Variants in TOX3 observed in about 807,000 individuals in gnomAD.
TOX3 encodes the protein CAG trinucleotide repeat-containing gene F9 protein.
TOX3 carries 22 observed loss-of-function variants against 64.3 expected under a neutral mutation model. The observed-to-expected ratio is 0.34, with a 90% CI of 0.24 to 0.49. TOX3 has a LOEUF of 0.49. Among genes scored for constraint, TOX3 ranks in the 20% least tolerant of loss-of-function variants. The pLI, the probability that TOX3 is intolerant of heterozygous loss-of-function variation, is 0.99. For missense variants in TOX3, 661 were observed against 714.4 expected, an observed-to-expected ratio of 0.93 and a Z score of 0.85; for synonymous variants, 291 against 273.6, an observed-to-expected ratio of 1.06 and a Z score of -0.63.
intron 4 of TOX3, among the ~76,000 whole-genome samples, chr16:52,448,147 G>A (rs1960219886): frequency 6.6e-6 from 1 of 152,124 alleles, no homozygotes; most frequent in Non-Finnish European, 1.5e-5. Context: ...GGAAATTTTT[G>A]TGTCATTGAC....
intron 3 of TOX3, among the ~76,000 whole-genome samples, chr16:52,458,424 T>C (rs1960587365): frequency 6.6e-6 from 1 of 152,052 alleles, no homozygotes; most frequent in African/African-American, 2.4e-5. Context: ...CTCCAAAAAA[T>C]ATTTGAGCCA....
At chr16:52,487,465 A>G (rs1471056718) in intron 1 of TOX3, among the ~76,000 whole-genome samples, 1 of 152,202 alleles carries the variant, frequency 6.6e-6, no homozygotes, top group Non-Finnish European at 1.5e-5. Context: ...TAACAGCTCT[A>G]AAGGAGGGTC....
At chr16:52,478,814 AAG>A (rs770182275) in intron 1 of TOX3, among the ~76,000 whole-genome samples, 4 of 152,152 alleles carry the variant, frequency 2.6e-5, no homozygotes, top group Non-Finnish European at 5.9e-5. Flanking sequence ...TGGGCTTTGC[AAG>A]AAGAAGGGAG....
At chr16:52,443,363 G>A (rs1272388175) in intron 6 of TOX3, among the ~76,000 whole-genome samples, 1 of 152,152 alleles carries the variant, frequency 6.6e-6, no homozygotes, top group African/African-American at 2.4e-5. Context: ...AGCAAAGAGA[G>A]GAGGACCTCT....
intron 1 of TOX3, among the ~76,000 whole-genome samples, chr16:52,483,774 G>T (rs1226784481): frequency 7.4e-6 from 1 of 134,780 alleles, no homozygotes; most frequent in Non-Finnish European, 1.6e-5. Context: ...TCACCATGTT[G>T]GTCAGGCTGG....
intron 1 of TOX3, among the ~76,000 whole-genome samples, chr16:52,520,773 A>G (rs138472780): frequency 6.6e-6 from 1 of 152,336 alleles, no homozygotes; most frequent in East Asian, 1.9e-4. Flanking sequence ...ATGTGAATTC[A>G]GGTCAAGTTT....
At chr16:52,448,313 C>T (rs954993280) in intron 4 of TOX3, among the ~76,000 whole-genome samples, 1 of 152,128 alleles carries the variant, frequency 6.6e-6, no homozygotes, top group East Asian at 1.9e-4. Flanking sequence ...TAAAATGGAG[C>T]AAGCTAGGAG....
Position 52,546,986 on chromosome 16 carries a change from C to A in TOX3, c.-263G>T. On this transcript the variant is annotated 5_prime_UTR_variant, in exon 1 of 7. Transcript: ENST00000219746. ...CGGGGCACCGAGGCAGCGCTGCGCG[C>A]GGGCCGGGCGCCGGGGGCGCGGGGC... The A allele has an allele frequency of 2.1e-6, 2 of 974,178 alleles. No individual in the cohort carries two copies. Among genetic ancestry groups the A allele is most frequent in the Non-Finnish European group, 2.4e-6 (2 of 824,202 alleles). 60.3% of individuals were successfully genotyped at this position (974,178 alleles called of 1,614,324 possible). A position where few individuals can be genotyped will look rare whatever the true frequency, so the allele number is the denominator to read the frequency against.
chr16:52,522,960 A>T (rs1962642854), intron 1 of TOX3, among the ~76,000 whole-genome samples: 1 of 152,234 alleles, frequency 6.6e-6, no homozygotes, highest in South Asian at 2.1e-4. Flanking sequence ...GAGATGAAGC[A>T]ACGAACAAAA....
In TOX3 at chr16:52,464,034, G is replaced by A. The variant is rs371588576; in HGVS notation, c.308C>T (p.Thr103Ile). Residue 103 changes from threonine to isoleucine, a missense_variant, in exon 3 of 7, where the codon ACA becomes ATA. Coordinates refer to ENST00000219746, the MANE Select transcript of TOX3 (RefSeq NM_001080430.4). ...DPLPSQGSEF[T>I]PQFPPQSLDL... is the part of the protein sequence containing the mutation. ...CAGGCTTTGAGGGGGAAACTGGGGT[G>A]TGAATTCACTTCCCTGGGAAGGCAA... 3.7e-6 allele frequency: 6 copies of A among 1,601,980 alleles called. No individual in the cohort carries two copies. In the African/African-American group the frequency reaches 6.7e-5, roughly 18 times the overall value.
chr16:52,500,452 AGG>A lies in TOX3; in HGVS notation c.88-31880_88-31879del, dbSNP rs757634022. ...ATAATATCACATGGCAGTGTTTCAC[AGG>A]GTTTTTGGAGAATATTAAAAGGTGG... is the stretch of plus-strand genomic sequence containing the variant. On this transcript the variant is annotated intron_variant, in intron 1 of 6. Coordinates refer to ENST00000219746, the MANE Select transcript of TOX3 (RefSeq NM_001080430.4). 7.3e-4 allele frequency among the ~76,000 whole-genome samples: 111 copies of A among 152,312 alleles called. 2 individuals carry two copies. Among genetic ancestry groups the A allele is most frequent in the South Asian group, 5.0e-3 (24 of 4,828 alleles).
rs145886737 is a variant in TOX3, at chr16:52,501,330, T to C, written c.88-32756A>G. Among the ~76,000 whole-genome samples, 5 of 152,360 alleles carry C rather than the reference T, an allele frequency of 3.3e-5. No homozygotes were observed. The East Asian group carries it at 9.6e-4, about 29-fold the overall frequency. On this transcript the variant is annotated intron_variant, in intron 1 of 6. Coordinates refer to ENST00000219746, the MANE Select transcript of TOX3 (RefSeq NM_001080430.4). The stretch of plus-strand genomic sequence containing the variant: ...CAGTTACCACCATCCTGATGTATTA[T>C]GTGTATTTCAGAACATACCAAAAAT...
chr16:52,498,124 GTA>G (rs1303286232), intron 1 of TOX3, among the ~76,000 whole-genome samples: 1 of 152,148 alleles, frequency 6.6e-6, no homozygotes, highest in East Asian at 1.9e-4. Context: ...TGCTCTCAAT[GTA>G]TATGACATTC....
chr16:52,440,733 A>G (rs1596767705), intron 6 of TOX3, among the ~76,000 whole-genome samples: 1 of 119,090 alleles, frequency 8.4e-6, no homozygotes, highest in Non-Finnish European at 1.8e-5. Context: ...ATTGGGTTAT[A>G]TGGTATTTTT....
chr16:52,465,785 G>GA, intron 2 of TOX3, among the ~76,000 whole-genome samples: 1 of 152,126 alleles, frequency 6.6e-6, no homozygotes, highest in African/African-American at 2.4e-5. Context: ...TATCTCACCA[G>GA]AAAAAAAGAG....
chr16:52,443,988 A>T lies in TOX3; in HGVS notation c.987+288T>A, dbSNP rs113669421. Reference sequence around the variant, plus strand: ...ACACTAGCACAGGTCCCAATCCCTGACCAGAAGAAAGCATAAGAGCCTATT... The same window carrying T: ...ACACTAGCACAGGTCCCAATCCCTGTCCAGAAGAAAGCATAAGAGCCTATT... On this transcript the variant is annotated intron_variant, in intron 6 of 6. Transcript: ENST00000219746. Among the ~76,000 whole-genome samples the T allele has an allele frequency of 5.9e-5, 9 of 152,314 alleles. 2 individuals are homozygous for T. The highest frequency in any genetic ancestry group is 2.2e-4 in the African/African-American group (9 of 41,570).
intron 1 of TOX3, among the ~76,000 whole-genome samples, chr16:52,488,686 CA>C (rs1361353027): frequency 1.3e-5 from 2 of 151,850 alleles, no homozygotes; most frequent in African/African-American, 4.8e-5. Context: ...GGAAGTAGAC[CA>C]AAAAAATTGT....
chr16:52,539,111 A>G (rs1404081617), intron 1 of TOX3, among the ~76,000 whole-genome samples: 1 of 152,198 alleles, frequency 6.6e-6, no homozygotes, highest in Non-Finnish European at 1.5e-5. Context: ...ATTTCATGAA[A>G]TCCAAAACAA....
intron 1 of TOX3, among the ~76,000 whole-genome samples, chr16:52,529,323 G>GT (rs1176824017): frequency 1.3e-5 from 2 of 151,944 alleles, no homozygotes; most frequent in South Asian, 2.1e-4. Flanking sequence ...ATAAGAGCTT[G>GT]TTTTTTAGTT....
Sources: allele counts gnomAD v4.1 joint callset (sites outside exome capture counted in the v4.1 genomes callset), GRCh38; gene constraint gnomAD v4.1.1; transcripts MANE v1.5; gene names NCBI Gene and HGNC (gene_info 2026-07-23, HGNC 2026-07-21).